The following DCLK1 variants were observed in gnomAD, a reference collection of about 807,000 sequenced individuals.
DCLK1 encodes serine/threonine-protein kinase DCLK1.
Under a neutral mutation model 86.2 loss-of-function variants are expected in DCLK1, and 16 were observed. The observed-to-expected ratio is 0.19, with a 90% CI of 0.13 to 0.28. The LOEUF (loss-of-function observed/expected upper bound fraction) is 0.28. Among genes scored for constraint, DCLK1 ranks in the 10% least tolerant of loss-of-function variants. The probability of loss-of-function intolerance (pLI) is 1.00; values close to 1 mark genes in which losing one functional copy is unlikely to be tolerated. For missense variants in DCLK1, 590 were observed against 940.2 expected, an observed-to-expected ratio of 0.63 and a Z score of 4.87; for synonymous variants, 369 against 370.5, an observed-to-expected ratio of 1.00 and a Z score of 0.05.
rs536134656 is a variant in DCLK1 at position 36,086,469 on chromosome 13, T to A, written c.723+25400A>T. Among the ~76,000 whole-genome samples the A allele has an allele frequency of 4.1e-5, 6 of 147,426 alleles. 1 individual carries two copies. In the South Asian group the frequency reaches 1.1e-3, roughly 27 times the overall value. On this transcript the variant is annotated intron_variant, in intron 3 of 16. Coordinates refer to ENST00000360631, the MANE Select transcript of DCLK1 (RefSeq NM_001330071.2). Reference sequence around the variant, plus strand: ...CTCAACAGCTTTTTTTTTTTTTTTTTAATATTTTAAGTTCTGGGATACATG... The same window carrying A: ...CTCAACAGCTTTTTTTTTTTTTTTTAAATATTTTAAGTTCTGGGATACATG...
intron 3 of DCLK1, among the ~76,000 whole-genome samples, chr13:36,107,868 G>T (rs1050132199): frequency 6.6e-6 from 1 of 152,064 alleles, no homozygotes; most frequent in Non-Finnish European, 1.5e-5. Context: ...AATGGCCTCT[G>T]GGAGTAACTG....
At chr13:35,779,458 A>G (rs2086484185) in intron 16 of DCLK1, among the ~76,000 whole-genome samples, 1 of 152,202 alleles carries the variant, frequency 6.6e-6, no homozygotes, top group Non-Finnish European at 1.5e-5. Flanking sequence ...GTAGAATTTG[A>G]AACTTCTTTG....
chr13:35,980,775 T>C (rs1403149626), intron 3 of DCLK1, among the ~76,000 whole-genome samples: 1 of 152,168 alleles, frequency 6.6e-6, no homozygotes, highest in Non-Finnish European at 1.5e-5. Context: ...TGCTCACTCA[T>C]CCTGCTGTCA....
At chr13:35,871,590 G>A (rs1872276505) in intron 4 of DCLK1, among the ~76,000 whole-genome samples, 1 of 152,064 alleles carries the variant, frequency 6.6e-6, no homozygotes, top group South Asian at 2.1e-4. Flanking sequence ...TAATATTTTG[G>A]CTAGATTGGG....
chr13:35,808,885 A>G, intron 13 of DCLK1, 133 bp downstream of exon 13: 1 of 603,666 alleles, frequency 1.7e-6, no homozygotes, highest in Non-Finnish European at 2.7e-6. Context: ...CAGGGAAAAA[A>G]TAACAGGGAT....
At chr13:35,903,703 C>G (rs1874519213) in intron 4 of DCLK1, among the ~76,000 whole-genome samples, 1 of 151,938 alleles carries the variant, frequency 6.6e-6, no homozygotes, top group South Asian at 2.1e-4. Flanking sequence ...CCACCCCCTC[C>G]AAAGTCAAGC....
chr13:35,773,665 T>G lies in DCLK1; in HGVS notation c.*870A>C, dbSNP rs1005477076. The G allele has an allele frequency of 5.3e-5, 8 of 152,220 alleles. No individual in the cohort carries two copies. Among genetic ancestry groups the G allele is most frequent in the African/African-American group, 1.9e-4 (8 of 41,290 alleles). 9.4% of individuals were successfully genotyped at this position (152,220 alleles called of 1,614,324 possible). A position where few individuals can be genotyped will look rare whatever the true frequency, so the allele number is the denominator to read the frequency against. ...CCAGCCCTGCAGAGCACCGGGCAATTTATTGCTCTTTTCCACCAGTTGTTT... is the reference window on the plus strand; with the variant it reads ...CCAGCCCTGCAGAGCACCGGGCAATGTATTGCTCTTTTCCACCAGTTGTTT... On this transcript the variant is annotated 3_prime_UTR_variant, in exon 17 of 17. Coordinates refer to ENST00000360631, the MANE Select transcript of DCLK1 (RefSeq NM_001330071.2).
intron 3 of DCLK1, among the ~76,000 whole-genome samples, chr13:36,015,047 C>T (rs1463550179): frequency 5.3e-5 from 8 of 151,342 alleles, no homozygotes; most frequent in Non-Finnish European, 1.0e-4. Context: ...CGCCCCCCCA[C>T]ACAATTTTTG....
intron 2 of DCLK1, among the ~76,000 whole-genome samples, chr13:36,113,167 G>A (rs1218799843): frequency 1.3e-5 from 2 of 152,150 alleles, no homozygotes. Context: ...AATGACCGAG[G>A]CCTAATCTAA....
chr13:35,806,724 T>G (rs2087035147), intron 14 of DCLK1, among the ~76,000 whole-genome samples: 1 of 152,150 alleles, frequency 6.6e-6, no homozygotes, highest in African/African-American at 2.4e-5. Context: ...GCTATGGAGG[T>G]GTAGGAGATG....
chr13:35,892,844 T>C (rs1873727791), intron 4 of DCLK1, among the ~76,000 whole-genome samples: 1 of 152,224 alleles, frequency 6.6e-6, no homozygotes, highest in South Asian at 2.1e-4. Context: ...CACTTGTATA[T>C]TTCAGCATAA....
At chr13:35,805,091 C>T (rs542967413) in intron 15 of DCLK1, among the ~76,000 whole-genome samples, 1 of 152,256 alleles carries the variant, frequency 6.6e-6, no homozygotes, top group East Asian at 1.9e-4. Context: ...GTCTGTTATG[C>T]CTTCTTGATG....
At chr13:35,977,138 C>G (rs922339537) in intron 3 of DCLK1, among the ~76,000 whole-genome samples, 2 of 151,954 alleles carry the variant, frequency 1.3e-5, no homozygotes, top group Admixed American at 6.6e-5. Context: ...TATATATATA[C>G]AGAGAGAGAA....
intron 3 of DCLK1, among the ~76,000 whole-genome samples, chr13:36,048,960 C>T (rs1883029555): frequency 6.6e-6 from 1 of 152,134 alleles, no homozygotes; most frequent in African/African-American, 2.4e-5. Context: ...TGGAGGGAGG[C>T]TGGGAGTGGT....
At chr13:35,920,946 A>C (rs1045231373) in intron 4 of DCLK1, among the ~76,000 whole-genome samples, 2 of 151,862 alleles carry the variant, frequency 1.3e-5, no homozygotes, top group African/African-American at 4.8e-5. Flanking sequence ...CTGCCATTCC[A>C]TGTTTCCTAA....
intron 6 of DCLK1, chr13:35,846,426 A>G (rs1339435153): frequency 9.1e-6 from 9 of 985,360 alleles, no homozygotes; most frequent in Non-Finnish European, 1.1e-5. Flanking sequence ...TTGTGGCCAT[A>G]TATAATACAA....
At chr13:35,981,169 C>T (rs1237679009) in intron 3 of DCLK1, among the ~76,000 whole-genome samples, 1 of 151,788 alleles carries the variant, frequency 6.6e-6, no homozygotes, top group African/African-American at 2.4e-5. Flanking sequence ...CAGTTCTTAA[C>T]CAGGGGTTGG....
chr13:35,900,323 C>T (rs934857607), intron 4 of DCLK1, among the ~76,000 whole-genome samples: 1 of 151,812 alleles, frequency 6.6e-6, no homozygotes, highest in Non-Finnish European at 1.5e-5. Context: ...TCACTGCAAC[C>T]TCTGCCTCCC....
intron 4 of DCLK1, among the ~76,000 whole-genome samples, chr13:35,911,935 C>T (rs931475584): frequency 2.6e-5 from 4 of 152,148 alleles, no homozygotes; most frequent in Non-Finnish European, 4.4e-5. Context: ...ACCCTTGGCC[C>T]TTCCATCATA....
Sources: gnomAD v4.1 joint callset for allele counts (sites outside exome capture counted in the v4.1 genomes callset) on GRCh38, gnomAD v4.1.1 for gene constraint, MANE v1.5 for transcripts, NCBI Gene and HGNC (gene_info 2026-07-23, HGNC 2026-07-21) for gene names.